PDZD2: variants seen among roughly 807,000 people sequenced by gnomAD.
PDZD2 encodes PDZ domain-containing protein 2.
PDZD2 carries 90 observed loss-of-function variants against 220.7 expected under a neutral mutation model. The observed-to-expected ratio is 0.41, with a 90% CI of 0.34 to 0.49. The LOEUF (loss-of-function observed/expected upper bound fraction) is 0.49, where lower values mean the gene tolerates loss of function less well. Ranked by LOEUF, PDZD2 falls within the 20% of genes least tolerant of loss-of-function variation. The probability of loss-of-function intolerance (pLI) is 0.28; values close to 1 mark genes in which losing one functional copy is unlikely to be tolerated. For synonymous variants in PDZD2, 1,375 were observed against 1,450.5 expected (o/e 0.95, Z 1.18); for missense variants, 3,174 against 3,608.5 (o/e 0.88, Z 3.08).
At chr5:31,910,034 G>A (rs771277333) in intron 2 of PDZD2, among the ~76,000 whole-genome samples, 1 of 151,988 alleles carries the variant, frequency 6.6e-6, no homozygotes, top group African/African-American at 2.4e-5. Flanking sequence ...TACTGTCATC[G>A]GTGCCTTACA....
chr5:31,644,416 G>A (rs1408361713), intron 1 of PDZD2, among the ~76,000 whole-genome samples: 1 of 152,204 alleles, frequency 6.6e-6, no homozygotes, highest in South Asian at 2.1e-4. Flanking sequence ...GAGCTAAAGA[G>A]TTCTGCCTTC....
intron 1 of PDZD2, among the ~76,000 whole-genome samples, chr5:31,642,396 C>T (rs946146911): frequency 8.6e-5 from 13 of 152,038 alleles, no homozygotes; most frequent in African/African-American, 2.4e-4. Context: ...GTCTCAGAGA[C>T]GCCCATCCCC....
chr5:31,700,225 G>A (rs1747556641), intron 1 of PDZD2, among the ~76,000 whole-genome samples: 2 of 152,068 alleles, frequency 1.3e-5, no homozygotes, highest in Non-Finnish European at 1.5e-5. Context: ...AGAAGAGGAA[G>A]AAAGCCAAGA....
At chr5:31,808,989 A>AT (rs1297329184) in intron 2 of PDZD2, among the ~76,000 whole-genome samples, 1,692 of 150,604 alleles carry the variant, frequency 0.011, 28 homozygotes, top group African/African-American at 0.039. Flanking sequence ...AAAAAAAAAA[A>AT]AATAATAAAA....
chr5:31,846,414 C>T (rs59808887), intron 2 of PDZD2, among the ~76,000 whole-genome samples: 12,409 of 152,236 alleles, frequency 0.082, 671 homozygotes, highest in East Asian at 0.26. Flanking sequence ...GGATTAGAGG[C>T]GTGAGCCACC....
intron 7 of PDZD2, among the ~76,000 whole-genome samples, chr5:32,038,986 G>C (rs767095081): frequency 6.6e-6 from 1 of 152,166 alleles, no homozygotes; most frequent in Non-Finnish European, 1.5e-5. Context: ...GTCCCCTTCC[G>C]GCCACCCAGA....
At chr5:31,732,768 A>G (rs1749612088) in intron 1 of PDZD2, among the ~76,000 whole-genome samples, 1 of 152,196 alleles carries the variant, frequency 6.6e-6, no homozygotes, top group Admixed American at 6.5e-5. Flanking sequence ...TCACTCTGTC[A>G]CCCAGACTGG....
intron 2 of PDZD2, among the ~76,000 whole-genome samples, chr5:31,803,913 C>A (rs1175856598): frequency 6.6e-6 from 1 of 151,776 alleles, no homozygotes; most frequent in East Asian, 1.9e-4. Flanking sequence ...GTGGTGCACA[C>A]CTGTAGTCCC....
intron 6 of PDZD2, among the ~76,000 whole-genome samples, chr5:32,014,937 C>T (rs1201262628): frequency 1.5e-4 from 10 of 68,058 alleles, no homozygotes; most frequent in Non-Finnish European, 2.2e-4. Flanking sequence ...CTCAATCTCT[C>T]TCTTTTTTTT....
intron 4 of PDZD2, among the ~76,000 whole-genome samples, chr5:31,997,688 A>G (rs1317995085): frequency 6.6e-6 from 1 of 152,066 alleles, no homozygotes; most frequent in Non-Finnish European, 1.5e-5. Flanking sequence ...AGCCATTTCT[A>G]TTGGGTCTCA....
chr5:32,057,189 C>G (rs1262984463), intron 10 of PDZD2, among the ~76,000 whole-genome samples: 1 of 152,148 alleles, frequency 6.6e-6, no homozygotes, highest in Non-Finnish European at 1.5e-5. Context: ...ATCATTAAAG[C>G]CATTTTCCAT....
intron 2 of PDZD2, among the ~76,000 whole-genome samples, chr5:31,949,712 G>A (rs182245439): frequency 9.3e-4 from 133 of 142,852 alleles, no homozygotes; most frequent in African/African-American, 3.0e-3. Context: ...TTGCTCTGTC[G>A]CTCAGGCTGG....
chr5:31,671,556 T>G (rs1305229045), intron 1 of PDZD2, among the ~76,000 whole-genome samples: 1 of 152,204 alleles, frequency 6.6e-6, no homozygotes, highest in Non-Finnish European at 1.5e-5. Flanking sequence ...AAGAGCCTGG[T>G]GCCAGTCCCA....
chr5:32,083,479 C>A lies in PDZD2; in HGVS notation c.3683-3652C>A, dbSNP rs1051479616. The A allele has an allele frequency of 3.9e-5, 6 of 152,142 alleles. No homozygotes were observed. Among genetic ancestry groups the A allele is most frequent in the African/African-American group, 7.2e-5 (3 of 41,430 alleles). The allele number at this position is 152,142 out of a possible 1,614,324, so 9.4% of individuals were successfully genotyped here. ...CTTCCACCCCACGGATGTGCTGTAACGAGTCAACCTTCCTCCCATGATTGG... is the reference window on the plus strand; with the variant it reads ...CTTCCACCCCACGGATGTGCTGTAAAGAGTCAACCTTCCTCCCATGATTGG... On this transcript the variant is annotated intron_variant, in intron 19 of 24. Coordinates refer to ENST00000438447, the MANE Select transcript of PDZD2 (RefSeq NM_178140.4). This position sits in a 1 kb window ranked among gnomAD's most constrained non-coding sequence, Gnocchi z 4.1.
chr5:32,054,312 CTTT>C (rs57135705), intron 10 of PDZD2, among the ~76,000 whole-genome samples: 2 of 69,330 alleles, frequency 2.9e-5, no homozygotes, highest in Admixed American at 2.2e-4. Flanking sequence ...AAATGAACAT[CTTT>C]TTTTTTTTTT....
chr5:31,711,341 C>G (rs1010868187), intron 1 of PDZD2, among the ~76,000 whole-genome samples: 1 of 152,164 alleles, frequency 6.6e-6, no homozygotes, highest in Non-Finnish European at 1.5e-5. Context: ...GTATGTGTGA[C>G]AGGGGATGGG....
intron 2 of PDZD2, among the ~76,000 whole-genome samples, chr5:31,902,570 C>G (rs2150359364): frequency 6.6e-6 from 1 of 150,720 alleles, no homozygotes; most frequent in Non-Finnish European, 1.5e-5. Flanking sequence ...GCAACCTCCT[C>G]CTCCCAGGTT....
intron 7 of PDZD2, among the ~76,000 whole-genome samples, chr5:32,048,142 T>C (rs1292286983): frequency 2.6e-5 from 4 of 152,152 alleles, no homozygotes; most frequent in Non-Finnish European, 5.9e-5. Flanking sequence ...GTGCCTATAC[T>C]TGGAAAAAAA....
intron 2 of PDZD2, among the ~76,000 whole-genome samples, chr5:31,932,478 G>C (rs1745379728): frequency 6.6e-6 from 1 of 152,160 alleles, no homozygotes; most frequent in South Asian, 2.1e-4. Context: ...GAACCCAGGA[G>C]GCGGAGGCTG....
Sources: gnomAD v4.1 joint callset for allele counts (sites outside exome capture counted in the v4.1 genomes callset) on GRCh38, gnomAD v4.1.1 for gene constraint, Gnocchi (gnomAD v3.1) non-coding constraint, MANE v1.5 for transcripts, NCBI Gene and HGNC (gene_info 2026-07-23, HGNC 2026-07-21) for gene names.